Variants in ARMC2 observed in about 807,000 individuals in gnomAD.
ARMC2 encodes the protein armadillo repeat-containing protein 2.
A neutral mutation model predicts 90.3 loss-of-function variants in ARMC2; 67 were observed. The ratio of observed to expected loss-of-function variants is 0.74; its 90% CI spans 0.61 to 0.91. ARMC2 has a LOEUF of 0.91. Ranked by LOEUF, ARMC2 falls within the 40% of genes least tolerant of loss-of-function variation. The pLI, the probability that ARMC2 is intolerant of heterozygous loss-of-function variation, is 0.00. For synonymous variants in ARMC2, 393 were observed against 393.0 expected, an observed-to-expected ratio of 1.00 and a Z score of 0.00; for missense variants, 920 against 1,030.9, an observed-to-expected ratio of 0.89 and a Z score of 1.47.
the ARMC2 span, among the ~76,000 whole-genome samples, chr6:109,016,874 T>A: frequency 6.6e-6 from 1 of 152,202 alleles, no homozygotes; most frequent in Non-Finnish European, 1.5e-5. Flanking sequence ...GCATTTTTAT[T>A]TTCTGGCAAA....
At chr6:108,929,916 T>C (rs963789155) in intron 11 of ARMC2, among the ~76,000 whole-genome samples, 3 of 152,156 alleles carry the variant, frequency 2.0e-5, no homozygotes, top group South Asian at 2.1e-4. Context: ...GAGATCAGCC[T>C]GGGCAACATG....
chr6:108,866,953 A>G (rs1775880546), intron 3 of ARMC2, among the ~76,000 whole-genome samples: 2 of 152,084 alleles, frequency 1.3e-5, no homozygotes, highest in African/African-American at 2.4e-5. Context: ...CTATTCATGT[A>G]TGTGGGAAAA....
intron 1 of ARMC2, among the ~76,000 whole-genome samples, chr6:108,851,674 C>T (rs1269507253): frequency 6.6e-6 from 1 of 151,984 alleles, no homozygotes; most frequent in African/African-American, 2.4e-5. Flanking sequence ...TACATGGTGG[C>T]TCACACCTGT....
chr6:109,021,336 A>T, the ARMC2 span, among the ~76,000 whole-genome samples: 1 of 152,202 alleles, frequency 6.6e-6, no homozygotes, highest in Non-Finnish European at 1.5e-5. Context: ...AGGATGCTGT[A>T]AAATAAGTGT....
chr6:108,895,684 T>C (rs531867294), intron 6 of ARMC2, among the ~76,000 whole-genome samples: 2 of 152,172 alleles, frequency 1.3e-5, no homozygotes, highest in South Asian at 4.1e-4. Flanking sequence ...TATTGTAATA[T>C]TGAGTAAATT....
chr6:109,008,877 GT>G, the ARMC2 span: 1 of 985,798 alleles, frequency 1.0e-6, no homozygotes, highest in East Asian at 1.1e-4. Context: ...AGTCAAATGT[GT>G]TTTTTTTCTT....
chr6:108,922,596 G>A (rs1252994040), intron 10 of ARMC2, among the ~76,000 whole-genome samples: 1 of 152,088 alleles, frequency 6.6e-6, no homozygotes, highest in Non-Finnish European at 1.5e-5. Flanking sequence ...TTAAAATGTA[G>A]TTGTGCATTT....
At chr6:108,912,774 C>G (rs575413962) in intron 10 of ARMC2, among the ~76,000 whole-genome samples, 1 of 152,284 alleles carries the variant, frequency 6.6e-6, no homozygotes, top group African/African-American at 2.4e-5. Context: ...CAGCTCTCCA[C>G]ACAGCATGCG....
the ARMC2 span, among the ~76,000 whole-genome samples, chr6:109,014,897 G>T: frequency 1.3e-5 from 2 of 152,260 alleles, no homozygotes; most frequent in African/African-American, 4.8e-5. Context: ...AATTTTGTAA[G>T]TTACTGATAC....
At position 108,908,791 on chromosome 6, in the gene ARMC2, C is replaced by T. The variant is rs541446498; in HGVS notation, c.1024-2108C>T. Among the ~76,000 whole-genome samples the T allele has an allele frequency of 7.2e-5, 11 of 152,128 alleles. No homozygotes were observed. In the East Asian group the frequency reaches 9.7e-4, roughly 13 times the overall value. On this transcript the variant is annotated intron_variant, in intron 8 of 17. Transcript: ENST00000392644. ...GAGAGAGAGAGAGAAATGTCGTAGC[C>T]GGGCATGGTGGCTCACACCTGTAGT...
the ARMC2 span, among the ~76,000 whole-genome samples, chr6:108,990,424 T>G: frequency 6.6e-6 from 1 of 152,224 alleles, no homozygotes. Flanking sequence ...ATTCAATTCT[T>G]GTCAAGGTCC....
At chr6:109,004,438 CT>C in the ARMC2 span, among the ~76,000 whole-genome samples, 451 of 142,526 alleles carry the variant, frequency 3.2e-3, 1 homozygote, top group East Asian at 7.5e-3. Context: ...CCCCAACAAT[CT>C]TTTTTTTTTT....
At chr6:108,881,605 G>GT (rs1777592683) in intron 5 of ARMC2, among the ~76,000 whole-genome samples, 1 of 152,172 alleles carries the variant, frequency 6.6e-6, no homozygotes, top group Admixed American at 6.5e-5. Flanking sequence ...AGTATGCCCT[G>GT]TGTAAGGACT....
At chr6:109,029,073 A>G in the ARMC2 span, among the ~76,000 whole-genome samples, 1 of 152,222 alleles carries the variant, frequency 6.6e-6, no homozygotes. Context: ...AGATGGTTTT[A>G]GGATACTTTT....
At chr6:108,940,926 A>G (rs1488137807) in intron 12 of ARMC2, among the ~76,000 whole-genome samples, 3 of 152,136 alleles carry the variant, frequency 2.0e-5, no homozygotes, top group Non-Finnish European at 4.4e-5. Flanking sequence ...TATCTCAGAG[A>G]GAGAGAGAAG....
At chr6:109,028,883 AATGGTAC>A in the ARMC2 span, among the ~76,000 whole-genome samples, 22 of 152,190 alleles carry the variant, frequency 1.4e-4, no homozygotes, top group Non-Finnish European at 2.8e-4. Context: ...GAAATGAAAA[AATGGTAC>A]AGGATTGCGC....
chr6:108,888,300 C>T (rs986020801), intron 5 of ARMC2, among the ~76,000 whole-genome samples: 10 of 152,272 alleles, frequency 6.6e-5, no homozygotes, highest in Middle Eastern at 3.4e-3. Flanking sequence ...GCCAAGCAAT[C>T]GCACATCCTA....
chr6:108,984,719 G>A, the ARMC2 span, among the ~76,000 whole-genome samples: 13 of 152,150 alleles, frequency 8.5e-5, no homozygotes, highest in Non-Finnish European at 1.8e-4. Context: ...CATTGTTAGT[G>A]TATAGAAATA....
chr6:108,929,598 G>A (rs968687040), intron 11 of ARMC2, among the ~76,000 whole-genome samples: 3 of 152,096 alleles, frequency 2.0e-5, no homozygotes, highest in Admixed American at 2.0e-4. Flanking sequence ...TCCCACCTCA[G>A]CCTCCCTAGC....
Sources: gnomAD v4.1 joint callset for allele counts (sites outside exome capture counted in the v4.1 genomes callset) on GRCh38, gnomAD v4.1.1 for gene constraint, MANE v1.5 for transcripts, NCBI Gene and HGNC (gene_info 2026-07-23, HGNC 2026-07-21) for gene names.